Variants in ZMYM4 observed in about 807,000 individuals in gnomAD.
ZMYM4 encodes the protein zinc finger MYM-type containing 4.
A neutral mutation model predicts 183.2 loss-of-function variants in ZMYM4; 31 were observed. The observed-to-expected ratio is 0.17, with a 90% confidence interval of 0.13 to 0.23. The LOEUF is 0.23. Among genes scored for constraint, ZMYM4 ranks in the 10% least tolerant of loss-of-function variants. The pLI is 1.00. For synonymous variants in ZMYM4, 592 were observed against 631.2 expected (o/e 0.94, Z 0.93); for missense variants, 1,273 against 1,840.3 (o/e 0.69, Z 5.64).
chr1:35,401,636 T>C (rs1422262002), intron 23 of ZMYM4, among the ~76,000 whole-genome samples: 1 of 152,188 alleles, frequency 6.6e-6, no homozygotes, highest in African/African-American at 2.4e-5. Flanking sequence ...TTTATCAATT[T>C]GTTATTTTAT....
At chr1:35,408,574 C>CA (rs1219702397) in intron 26 of ZMYM4, among the ~76,000 whole-genome samples, 1 of 151,798 alleles carries the variant, frequency 6.6e-6, no homozygotes, top group East Asian at 1.9e-4. Context: ...ACTATCTCTA[C>CA]AAAAAATAAA....
chr1:35,394,340 A>G (rs902077836), intron 18 of ZMYM4, among the ~76,000 whole-genome samples: 1 of 151,368 alleles, frequency 6.6e-6, no homozygotes, highest in African/African-American at 2.4e-5. Context: ...TCAGGATCCC[A>G]GTGTTCTTGG....
intron 13 of ZMYM4, 90 bp from the exon 14 acceptor site, chr1:35,388,820 G>A: frequency 2.5e-6 from 3 of 1,209,468 alleles, no homozygotes; most frequent in Admixed American, 2.2e-5. Context: ...ACAGGTGTGA[G>A]CCACTGCACC....
At chr1:35,357,493 T>A (rs1643862910) in intron 2 of ZMYM4, among the ~76,000 whole-genome samples, 1 of 152,228 alleles carries the variant, frequency 6.6e-6, no homozygotes, top group African/African-American at 2.4e-5. Flanking sequence ...AGTATCCATG[T>A]GGACTGAATT....
chr1:35,313,390 CTTTTT>C (rs36112055), intron 1 of ZMYM4, among the ~76,000 whole-genome samples: 1 of 131,582 alleles, frequency 7.6e-6, no homozygotes, highest in African/African-American at 2.9e-5. Flanking sequence ...TTTTCTTTTT[CTTTTT>C]TTTTTTTTTT....
intron 1 of ZMYM4, among the ~76,000 whole-genome samples, chr1:35,293,697 C>T (rs1414598404): frequency 2.6e-5 from 4 of 151,974 alleles, no homozygotes; most frequent in South Asian, 4.1e-4. Flanking sequence ...ATAGGTTTAG[C>T]GCACATGAAA....
At chr1:35,353,990 TA>T (rs964987305) in intron 2 of ZMYM4, among the ~76,000 whole-genome samples, 1 of 150,384 alleles carries the variant, frequency 6.6e-6, no homozygotes, top group Non-Finnish European at 1.5e-5. Flanking sequence ...CACAAAAAAT[TA>T]AAAAAAAATT....
intron 1 of ZMYM4, among the ~76,000 whole-genome samples, chr1:35,291,523 G>A (rs1419946633): frequency 6.6e-6 from 1 of 151,366 alleles, no homozygotes; most frequent in East Asian, 1.9e-4. Flanking sequence ...TCTGTCTCCA[G>A]ATGTCTTTCT....
At chr1:35,280,260 TTC>T (rs140943218) in intron 1 of ZMYM4, among the ~76,000 whole-genome samples, 1,760 of 129,082 alleles carry the variant, frequency 0.014, 34 homozygotes, top group African/African-American at 0.047. Flanking sequence ...CTTTCTCTCT[TTC>T]TCTCTCTCTC....
intron 1 of ZMYM4, among the ~76,000 whole-genome samples, chr1:35,325,045 G>A (rs1464397772): frequency 6.6e-6 from 1 of 151,782 alleles, no homozygotes; most frequent in African/African-American, 2.4e-5. Flanking sequence ...CTTATGAAGC[G>A]TTAGCTGTGT....
intron 1 of ZMYM4, among the ~76,000 whole-genome samples, chr1:35,275,101 C>T (rs1458995846): frequency 6.6e-6 from 1 of 152,082 alleles, no homozygotes; most frequent in African/African-American, 2.4e-5. Flanking sequence ...CTAAGAAATA[C>T]ATTTTTGTTT....
chr1:35,351,678 A>C, intron 2 of ZMYM4: 2 of 503,610 alleles, frequency 4.0e-6, no homozygotes, highest in Non-Finnish European at 3.5e-6. Context: ...ACAACAACAA[A>C]AAACAGAAAT....
chr1:35,309,260 CATTTTTGTAA>C (rs1489978776), intron 1 of ZMYM4, among the ~76,000 whole-genome samples: 1 of 152,116 alleles, frequency 6.6e-6, no homozygotes, highest in Non-Finnish European at 1.5e-5. Flanking sequence ...TCTTTGAATG[CATTTTTGTAA>C]ATTTAGCTTA....
At chr1:35,405,315 A>AT (rs1313717662) in intron 24 of ZMYM4, 58 bp from the exon 25 acceptor site, 42 of 1,579,218 alleles carry the variant, frequency 2.7e-5, no homozygotes, top group Non-Finnish European at 3.5e-5. Flanking sequence ...GCTTTACTTA[A>AT]TTTTTTCCGC....
At chr1:35,313,639 T>C (rs1363534197) in intron 1 of ZMYM4, among the ~76,000 whole-genome samples, 1 of 152,094 alleles carries the variant, frequency 6.6e-6, no homozygotes, top group Non-Finnish European at 1.5e-5. Flanking sequence ...TCCACCCAGG[T>C]TGGCCTCCCA....
chr1:35,331,783 C>G (rs1347091027), intron 2 of ZMYM4, among the ~76,000 whole-genome samples: 1 of 124,154 alleles, frequency 8.1e-6, no homozygotes, highest in African/African-American at 3.2e-5. Flanking sequence ...GAAAAAGACT[C>G]CATCTCAAAA....
intron 2 of ZMYM4, among the ~76,000 whole-genome samples, chr1:35,336,880 TC>T (rs1642996547): frequency 6.6e-6 from 1 of 152,150 alleles, no homozygotes; most frequent in East Asian, 1.9e-4. Flanking sequence ...TAGGGGCAGT[TC>T]CCCCCATGTT....
intron 1 of ZMYM4, among the ~76,000 whole-genome samples, chr1:35,298,568 A>G (rs542666028): frequency 4.6e-4 from 70 of 152,182 alleles, no homozygotes; most frequent in African/African-American, 1.6e-3. Context: ...TCAGGAAACT[A>G]CTCATGCGTG....
intron 3 of ZMYM4, 26 bp downstream of exon 3, chr1:35,359,472 T>C: frequency 6.6e-7 from 1 of 1,515,716 alleles, no homozygotes; most frequent in South Asian, 1.4e-5. Flanking sequence ...CTTAGAACCA[T>C]AAAACACAAT....
Sources: allele counts gnomAD v4.1 joint callset (sites outside exome capture counted in the v4.1 genomes callset), GRCh38; gene constraint gnomAD v4.1.1; transcripts MANE v1.5; gene names NCBI Gene and HGNC (gene_info 2026-07-23, HGNC 2026-07-21).